TSHZ2: variants seen among roughly 807,000 people sequenced by gnomAD.
The protein encoded by TSHZ2 is teashirt zinc finger homeobox 2.
In TSHZ2, 21 loss-of-function variants were observed where a neutral mutation model predicts 74.4. The observed-to-expected ratio is 0.28, with a 90% CI of 0.20 to 0.41. The LOEUF (loss-of-function observed/expected upper bound fraction) is 0.41. Ranked by LOEUF, TSHZ2 falls within the 10% of genes least tolerant of loss-of-function variation. The pLI is 1.00. For synonymous variants in TSHZ2, 540 were observed against 515.3 expected (o/e 1.05, Z -0.65); for missense variants, 1,244 against 1,293.5 (o/e 0.96, Z 0.59).
chr20:53,458,012 A>G (rs1007808259), intron 2 of TSHZ2, among the ~76,000 whole-genome samples: 4 of 151,892 alleles, frequency 2.6e-5, no homozygotes, highest in Non-Finnish European at 2.9e-5. Context: ...ATATTGGTCT[A>G]AAATTCTCTT....
At chr20:53,454,391 A>G (rs1600653086) in intron 2 of TSHZ2, among the ~76,000 whole-genome samples, 4 of 152,008 alleles carry the variant, frequency 2.6e-5, no homozygotes, top group African/African-American at 9.6e-5. Flanking sequence ...GTGACACCCC[A>G]TCTTTACTAA....
chr20:53,320,119 A>C (rs946018303), intron 2 of TSHZ2, among the ~76,000 whole-genome samples: 4 of 152,178 alleles, frequency 2.6e-5, no homozygotes, highest in Non-Finnish European at 5.9e-5. Context: ...TATCATCGTT[A>C]CGGTCATTAT....
chr20:53,407,618 A>G (rs541722076), intron 2 of TSHZ2, among the ~76,000 whole-genome samples: 7 of 152,294 alleles, frequency 4.6e-5, no homozygotes, highest in Non-Finnish European at 1.5e-5. Context: ...CTCCACATAT[A>G]AAGTCAGGCT....
Position 53,490,975 on chromosome 20 carries a change from T to C in TSHZ2, c.*3840T>C, listed in dbSNP as rs1445726078. The C allele has an allele frequency of 2.0e-5, 3 of 152,172 alleles. No individual in the cohort carries two copies. Among genetic ancestry groups the C allele is most frequent in the Non-Finnish European group, 1.5e-5 (1 of 68,028 alleles). 9.4% of individuals were successfully genotyped at this position (152,172 alleles called of 1,614,324 possible). On this transcript the variant is annotated 3_prime_UTR_variant, in exon 3 of 3. Coordinates refer to ENST00000371497, the MANE Select transcript of TSHZ2 (RefSeq NM_173485.6). ...GCTTGCATTCTGTTGCTTTTCCATC[T>C]GTCACTTCTCAGGTTATTTGACTGT... is the stretch of plus-strand genomic sequence containing the variant.
chr20:53,422,422 G>A (rs6022455), intron 2 of TSHZ2, among the ~76,000 whole-genome samples: 1 of 152,144 alleles, frequency 6.6e-6, no homozygotes, highest in Non-Finnish European at 1.5e-5. Flanking sequence ...GTGGTTTTAA[G>A]GGAAAGGAGT....
At chr20:53,263,819 T>G (rs1404262227) in intron 2 of TSHZ2, among the ~76,000 whole-genome samples, 2 of 152,160 alleles carry the variant, frequency 1.3e-5, no homozygotes, top group Admixed American at 6.5e-5. Flanking sequence ...CAGAGGATAC[T>G]GGGCTGTTCT....
chr20:53,289,220 G>A (rs1991234428), intron 2 of TSHZ2, among the ~76,000 whole-genome samples: 1 of 152,142 alleles, frequency 6.6e-6, no homozygotes, highest in African/African-American at 2.4e-5. Flanking sequence ...TTTGGTTGAT[G>A]GGCATTTAGA....
At chr20:53,204,102 TG>T (rs1410321099) in intron 1 of TSHZ2, among the ~76,000 whole-genome samples, 6 of 98,498 alleles carry the variant, frequency 6.1e-5, no homozygotes, top group African/African-American at 1.9e-4. Context: ...TATGATGATA[TG>T]ATATACTATA....
chr20:53,132,819 C>T (rs1489215199), intron 1 of TSHZ2, among the ~76,000 whole-genome samples: 2 of 152,112 alleles, frequency 1.3e-5, no homozygotes, highest in Non-Finnish European at 2.9e-5. Flanking sequence ...ATTAGCTTGT[C>T]CTGACATAAA....
intron 2 of TSHZ2, among the ~76,000 whole-genome samples, chr20:53,267,476 G>A (rs916543150): frequency 3.3e-5 from 5 of 152,222 alleles, no homozygotes; most frequent in Admixed American, 2.6e-4. Flanking sequence ...CAGGATGGGT[G>A]ATAGTCATCC....
At chr20:53,422,452 G>A (rs866583448) in intron 2 of TSHZ2, among the ~76,000 whole-genome samples, 14 of 152,144 alleles carry the variant, frequency 9.2e-5, no homozygotes, top group Middle Eastern at 6.8e-3. Context: ...TATTATAGAC[G>A]AGACGAAAGG....
At chr20:53,083,010 G>A (rs1985584196) in intron 1 of TSHZ2, among the ~76,000 whole-genome samples, 1 of 152,186 alleles carries the variant, frequency 6.6e-6, no homozygotes, top group Admixed American at 6.5e-5. Context: ...CAGCAGAGGG[G>A]TTTTGGAGGC....
chr20:53,267,092 A>G (rs985156862), intron 2 of TSHZ2, among the ~76,000 whole-genome samples: 1 of 152,212 alleles, frequency 6.6e-6, no homozygotes, highest in African/African-American at 2.4e-5. Flanking sequence ...TGATGATTAT[A>G]TAACCACACA....
chr20:53,019,135 C>A (rs1214167598), intron 1 of TSHZ2, among the ~76,000 whole-genome samples: 3 of 152,068 alleles, frequency 2.0e-5, no homozygotes, highest in Non-Finnish European at 4.4e-5. Flanking sequence ...CCACTTGGCA[C>A]ATAGGTTACA....
chr20:53,289,477 AT>A (rs892792759), intron 2 of TSHZ2, among the ~76,000 whole-genome samples: 4 of 151,398 alleles, frequency 2.6e-5, no homozygotes, highest in Non-Finnish European at 5.9e-5. Context: ...ACCAACATCT[AT>A]TTTTTTTTAT....
intron 1 of TSHZ2, among the ~76,000 whole-genome samples, chr20:53,145,732 A>G (rs1411258643): frequency 6.6e-6 from 1 of 152,216 alleles, no homozygotes; most frequent in Non-Finnish European, 1.5e-5. Context: ...CTTGCCCTGT[A>G]TGGGAACAGC....
chr20:53,305,090 C>T (rs1978472389), intron 2 of TSHZ2, among the ~76,000 whole-genome samples: 1 of 151,702 alleles, frequency 6.6e-6, no homozygotes, highest in African/African-American at 2.4e-5. Flanking sequence ...TGCCCTCCAC[C>T]ACGCCTGACT....
Position 53,175,131 on chromosome 20 carries a change from C to CTTTTTTTTTTTTTTTTT in TSHZ2, c.41-78356_41-78340dup, listed in dbSNP as rs750453219. On this transcript the variant is annotated intron_variant, in intron 1 of 2. Coordinates refer to ENST00000371497, the MANE Select transcript of TSHZ2 (RefSeq NM_173485.6). ...CTCCTTCTCCTCCTTCTTCTTCTTT[C>CTTTTTTTTTTTTTTTTT]TTTTTTTTTTTTTTTTTTTTTTTTT... Among the ~76,000 whole-genome samples the CTTTTTTTTTTTTTTTTT allele has an allele frequency of 5.3e-4, 34 of 63,640 alleles. 3 individuals are homozygous for CTTTTTTTTTTTTTTTTT. The highest frequency in any genetic ancestry group is 0.013 in the Middle Eastern group (1 of 76). 41.8% of individuals were successfully genotyped at this position (63,640 alleles called of 152,430 possible). A position where few individuals can be genotyped will look rare whatever the true frequency, so the allele number is the denominator to read the frequency against.
chr20:53,281,625 T>TG (rs1991063074), intron 2 of TSHZ2, among the ~76,000 whole-genome samples: 1 of 152,202 alleles, frequency 6.6e-6, no homozygotes, highest in Non-Finnish European at 1.5e-5. Context: ...GTGTCTCATG[T>TG]GGGGGTCCTA....
Sources: allele counts gnomAD v4.1 joint callset (sites outside exome capture counted in the v4.1 genomes callset), GRCh38; gene constraint gnomAD v4.1.1; transcripts MANE v1.5; gene names NCBI Gene and HGNC (gene_info 2026-07-23, HGNC 2026-07-21).